DYNC2H1: variants seen among roughly 807,000 people sequenced by gnomAD.
The protein encoded by DYNC2H1 is dynein cytoplasmic 2 heavy chain 1.
A neutral mutation model predicts 570.0 loss-of-function variants in DYNC2H1; 410 were observed. The observed-to-expected ratio is 0.72, with a 90% CI of 0.66 to 0.78. The LOEUF (loss-of-function observed/expected upper bound fraction) is 0.78. Ranked by LOEUF, DYNC2H1 falls within the 30% of genes least tolerant of loss-of-function variation. DYNC2H1 has a pLI of 0.00. For missense variants in DYNC2H1, 4,865 were observed against 5,046.4 expected (o/e 0.96, Z 1.09); for synonymous variants, 1,688 against 1,677.6 (o/e 1.01, Z -0.15).
intron 84 of DYNC2H1, among the ~76,000 whole-genome samples, chr11:103,432,805 ATTATT>A (rs1943939431): frequency 6.6e-6 from 1 of 152,140 alleles, no homozygotes; most frequent in African/African-American, 2.4e-5. Context: ...ACTTCTGAGG[ATTATT>A]TTGAGGACTA....
chr11:103,358,196 G>A (rs768894930), intron 82 of DYNC2H1, 47 bp from the exon 83 acceptor site: 14 of 1,111,976 alleles, frequency 1.3e-5, no homozygotes, highest in Admixed American at 8.0e-5. Context: ...CTTCCTGTTC[G>A]GCTGAAGTTC....
In DYNC2H1 at chr11:103,170,042, C is replaced by T; in HGVS notation, c.4969-66C>T. 1 of 1,326,518 alleles carries T rather than the reference C, an allele frequency of 7.5e-7. No individual in the cohort carries two copies. The highest frequency in any genetic ancestry group is 1.0e-6 in the Non-Finnish European group (1 of 994,598). 82.2% of individuals were successfully genotyped at this position (1,326,518 alleles called of 1,614,324 possible). Reference sequence around the variant, plus strand: ...TTATCTTTTTAACTACAATCTCATGCTGTAAAAATATTTGTAAATGTTGAA... The same window carrying T: ...TTATCTTTTTAACTACAATCTCATGTTGTAAAAATATTTGTAAATGTTGAA... On this transcript the variant is annotated intron_variant, in intron 32 of 88. Transcript: ENST00000375735. The surrounding 1 kb of genome is among the most constrained non-coding windows in gnomAD (Gnocchi z 4.8).
chr11:103,362,084 G>A (rs1198201180), intron 83 of DYNC2H1, among the ~76,000 whole-genome samples: 1 of 152,076 alleles, frequency 6.6e-6, no homozygotes. Flanking sequence ...ATAAAGGAGA[G>A]TAGTGAAATA....
At chr11:103,405,161 C>G (rs1398543627) in intron 84 of DYNC2H1, 2 of 151,420 alleles carry the variant, frequency 1.3e-5, no homozygotes, top group African/African-American at 4.9e-5. Context: ...AATGTTGATA[C>G]AAGATAGGGT....
At chr11:103,258,214 T>C (rs899120479) in intron 69 of DYNC2H1, among the ~76,000 whole-genome samples, 1 of 152,206 alleles carries the variant, frequency 6.6e-6, no homozygotes, top group African/African-American at 2.4e-5. Flanking sequence ...GGATAACAAA[T>C]TGTTTTAACT....
At position 103,292,830 on chromosome 11, in the gene DYNC2H1, G is replaced by A. The variant is rs1286323812; in HGVS notation, c.11095+5225G>A. Among the ~76,000 whole-genome samples, 5 of 152,198 alleles carry A rather than the reference G, an allele frequency of 3.3e-5. No individual in the cohort carries two copies. In the South Asian group the frequency reaches 1.0e-3, roughly 31 times the overall value. ...TGCCATCAGTAACAGCTCTCTTGAG[G>A]CCCCCACAGAAGCTTAGCATGTGCT... On this transcript the variant is annotated intron_variant, in intron 75 of 88. Transcript: ENST00000375735.
intron 81 of DYNC2H1, 54 bp from the exon 82 acceptor site, chr11:103,323,832 G>A: frequency 1.5e-6 from 2 of 1,303,338 alleles, no homozygotes; most frequent in Non-Finnish European, 1.1e-6. Context: ...TTCAATGATT[G>A]TAAGTTCAAT....
At chr11:103,434,453 T>G (rs1242649631) in intron 84 of DYNC2H1, among the ~76,000 whole-genome samples, 5 of 149,168 alleles carry the variant, frequency 3.4e-5, no homozygotes, top group African/African-American at 1.2e-4. Context: ...TCCTCAAAGC[T>G]CCATAGGCTT....
chr11:103,327,292 C>T (rs577420301), intron 82 of DYNC2H1, among the ~76,000 whole-genome samples: 8 of 152,066 alleles, frequency 5.3e-5, no homozygotes, highest in Admixed American at 1.3e-4. Flanking sequence ...TGTTCCAGCC[C>T]TCTCTATTTT....
intron 87 of DYNC2H1, among the ~76,000 whole-genome samples, chr11:103,456,690 G>A (rs1272260680): frequency 6.6e-6 from 1 of 152,078 alleles, no homozygotes; most frequent in African/African-American, 2.4e-5. Flanking sequence ...CATACAGGTT[G>A]AGCATCCAAA....
Position 103,268,004 on chromosome 11 carries a change from T to C in DYNC2H1, c.10695+8027T>C, listed in dbSNP as rs1865574761. Among the ~76,000 whole-genome samples the C allele has an allele frequency of 1.3e-5, 2 of 152,080 alleles. No individual in the cohort carries two copies. The highest frequency in any genetic ancestry group is 1.3e-4 in the Admixed American group (2 of 15,280). ...CTACTACTCTCAGTGAATATTAGAT[T>C]ATTTATACATTTTTTGTTCTTATAC... On this transcript the variant is annotated intron_variant, in intron 70 of 88. Transcript: ENST00000375735. This position sits in a 1 kb window ranked among gnomAD's most constrained non-coding sequence, Gnocchi z 4.6.
intron 65 of DYNC2H1, among the ~76,000 whole-genome samples, chr11:103,246,385 G>A (rs1331132474): frequency 5.3e-5 from 8 of 151,924 alleles, no homozygotes; most frequent in African/African-American, 1.9e-4. Flanking sequence ...GGTCCTGAAG[G>A]ACTCATTAAA....
intron 21 of DYNC2H1, 35 bp downstream of exon 21, chr11:103,152,320 C>T (rs922042586): frequency 6.5e-6 from 10 of 1,532,826 alleles, no homozygotes; most frequent in Non-Finnish European, 8.8e-6. Context: ...AAAATGGGAA[C>T]TTTTTTCTTA....
chr11:103,194,762 G>C (rs182720994), intron 47 of DYNC2H1, among the ~76,000 whole-genome samples: 3 of 152,030 alleles, frequency 2.0e-5, no homozygotes, highest in Non-Finnish European at 4.4e-5. Flanking sequence ...CTGTTTCCCA[G>C]GCTGGAGTGC....
At chr11:103,352,031 T>C (rs929295912) in intron 82 of DYNC2H1, among the ~76,000 whole-genome samples, 2 of 152,142 alleles carry the variant, frequency 1.3e-5, no homozygotes, top group Non-Finnish European at 2.9e-5. Flanking sequence ...CTTTGTATGG[T>C]ATAAAGTTTA....
chr11:103,119,243 GTTATTA>G (rs755433183), intron 6 of DYNC2H1, among the ~76,000 whole-genome samples: 399 of 152,014 alleles, frequency 2.6e-3, no homozygotes, highest in African/African-American at 9.1e-3. Flanking sequence ...GTCCATTTTA[GTTATTA>G]TTATTATTAT....
At chr11:103,315,120 A>G (rs543721371) in intron 79 of DYNC2H1, among the ~76,000 whole-genome samples, 244 of 152,066 alleles carry the variant, frequency 1.6e-3, no homozygotes, top group African/African-American at 5.5e-3. Flanking sequence ...TCCAAATGCT[A>G]TTGACCCCAA....
chr11:103,429,272 A>C (rs1347874024), intron 84 of DYNC2H1, among the ~76,000 whole-genome samples: 1 of 151,754 alleles, frequency 6.6e-6, no homozygotes, highest in East Asian at 1.9e-4. Flanking sequence ...AAAAAAAAAC[A>C]AAAACAAAAA....
intron 82 of DYNC2H1, among the ~76,000 whole-genome samples, chr11:103,354,316 G>A (rs944042227): frequency 1.3e-5 from 2 of 151,046 alleles, no homozygotes; most frequent in South Asian, 2.1e-4. Flanking sequence ...AAAATTCTGG[G>A]TTTTTTTCTG....
Sources: gnomAD v4.1 joint callset for allele counts (sites outside exome capture counted in the v4.1 genomes callset) on GRCh38, gnomAD v4.1.1 for gene constraint, Gnocchi (gnomAD v3.1) non-coding constraint, MANE v1.5 for transcripts, NCBI Gene and HGNC (gene_info 2026-07-23, HGNC 2026-07-21) for gene names.